Variants in MACROD2 observed in about 807,000 individuals in gnomAD.
MACROD2 encodes the protein ADP-ribose glycohydrolase MACROD2.
Under a neutral mutation model 70.4 loss-of-function variants are expected in MACROD2, and 36 were observed. The ratio of observed to expected loss-of-function variants is 0.51; its 90% confidence interval spans 0.39 to 0.68. The LOEUF (loss-of-function observed/expected upper bound fraction) is 0.68. Ranked by LOEUF, MACROD2 falls within the 30% of genes least tolerant of loss-of-function variation. The pLI is 0.00. For synonymous variants in MACROD2, 172 were observed against 178.8 expected, an observed-to-expected ratio of 0.96 and a Z score of 0.30; for missense variants, 496 against 538.4, an observed-to-expected ratio of 0.92 and a Z score of 0.78.
At chr20:16,032,441 G>A (rs113414799) in intron 15 of MACROD2, among the ~76,000 whole-genome samples, 25 of 151,950 alleles carry the variant, frequency 1.6e-4, no homozygotes, top group African/African-American at 5.6e-4. Context: ...TCATTAAATT[G>A]TAGTTTGTTT....
chr20:14,356,498 CTT>C (rs71190132), intron 3 of MACROD2, among the ~76,000 whole-genome samples: 3,897 of 76,586 alleles, frequency 0.051, 76 homozygotes, highest in African/African-American at 0.11. Context: ...GATCTACTTT[CTT>C]TTTTTTTTTT....
intron 8 of MACROD2, among the ~76,000 whole-genome samples, chr20:15,509,035 AT>A (rs1386899559): frequency 6.6e-6 from 1 of 152,164 alleles, no homozygotes; most frequent in Non-Finnish European, 1.5e-5. Context: ...TTGGAGGGTT[AT>A]TTTTTTCAAA....
intron 3 of MACROD2, among the ~76,000 whole-genome samples, chr20:14,382,092 C>T (rs1398012950): frequency 2.9e-5 from 4 of 137,206 alleles, no homozygotes; most frequent in Admixed American, 7.9e-5. Context: ...GATGGAGTCT[C>T]GCTCTGTCGC....
At chr20:14,484,676 G>A (rs896272455) in intron 3 of MACROD2, among the ~76,000 whole-genome samples, 1 of 152,046 alleles carries the variant, frequency 6.6e-6, no homozygotes, top group Admixed American at 6.6e-5. Context: ...CCACAAATAA[G>A]TGAGAACATG....
intron 5 of MACROD2, among the ~76,000 whole-genome samples, chr20:14,774,249 G>T (rs925131608): frequency 1.3e-5 from 2 of 151,850 alleles, no homozygotes; most frequent in Non-Finnish European, 2.9e-5. Context: ...AAACTCTTAG[G>T]TCATACTTGT....
chr20:15,530,952 A>C (rs1324200488), intron 8 of MACROD2, among the ~76,000 whole-genome samples: 2 of 147,386 alleles, frequency 1.4e-5, no homozygotes, highest in Admixed American at 6.8e-5. Flanking sequence ...ATCTTTCTAC[A>C]TTTTGATTGT....
intron 8 of MACROD2, among the ~76,000 whole-genome samples, chr20:15,842,712 G>GGATAGATAGATAGATAGATA (rs60376874): frequency 4.2e-5 from 6 of 141,584 alleles, no homozygotes; most frequent in Non-Finnish European, 7.6e-5. Flanking sequence ...GTGGGTGGAT[G>GGATAGATAGATAGATAGATA]GATAGATAGA....
At chr20:15,898,225 T>C (rs2065003797) in intron 10 of MACROD2, among the ~76,000 whole-genome samples, 1 of 152,150 alleles carries the variant, frequency 6.6e-6, no homozygotes, top group Non-Finnish European at 1.5e-5. Context: ...ATCCAAGCTC[T>C]AGCTAGTGGT....
chr20:15,786,065 C>T (rs945687013), intron 8 of MACROD2, among the ~76,000 whole-genome samples: 19 of 151,126 alleles, frequency 1.3e-4, no homozygotes, highest in African/African-American at 3.9e-4. Context: ...AACATAAAAG[C>T]GTTAGAGTTA....
At chr20:14,945,302 T>C (rs2074422697) in intron 5 of MACROD2, among the ~76,000 whole-genome samples, 3 of 152,002 alleles carry the variant, frequency 2.0e-5, no homozygotes, top group Non-Finnish European at 4.4e-5. Context: ...GGTCCTGAAC[T>C]CCTGACCTCA....
chr20:14,262,594 G>C (rs943396858), intron 3 of MACROD2, among the ~76,000 whole-genome samples: 6 of 152,178 alleles, frequency 3.9e-5, no homozygotes, highest in Non-Finnish European at 7.3e-5. Flanking sequence ...CTTGGAAAGA[G>C]CAAGTAGTTC....
At chr20:15,957,659 A>G (rs1220951917) in intron 12 of MACROD2, among the ~76,000 whole-genome samples, 4 of 152,172 alleles carry the variant, frequency 2.6e-5, no homozygotes, top group Non-Finnish European at 5.9e-5. Flanking sequence ...TCTGCATTTT[A>G]AAAAGTCTCA....
intron 5 of MACROD2, among the ~76,000 whole-genome samples, chr20:14,685,898 A>G (rs1311722979): frequency 6.6e-6 from 1 of 152,254 alleles, no homozygotes; most frequent in African/African-American, 2.4e-5. Context: ...TGGGTTATAT[A>G]TAGACAGGTT....
rs544167197 is a variant in MACROD2, at chr20:14,183,243, A to C, written c.271+97515A>C. On this transcript the variant is annotated intron_variant, in intron 3 of 17. Transcript: ENST00000684519. Reference sequence around the variant, plus strand: ...CCCCTCTATGGGTCCATATGTTCTCATCATTTAGCTCTCACTTATAAGTGA... The same window carrying C: ...CCCCTCTATGGGTCCATATGTTCTCCTCATTTAGCTCTCACTTATAAGTGA... Among the ~76,000 whole-genome samples the C allele has an allele frequency of 1.1e-4, 16 of 151,416 alleles. No individual in the cohort carries two copies. The East Asian group carries it at 2.8e-3, about 26-fold the overall frequency.
chr20:14,670,991 G>T (rs1431313349), intron 4 of MACROD2, among the ~76,000 whole-genome samples: 2 of 152,104 alleles, frequency 1.3e-5, no homozygotes, highest in Admixed American at 6.6e-5. Context: ...AAGCTTGCCT[G>T]GAAGCCCCAC....
intron 15 of MACROD2, among the ~76,000 whole-genome samples, chr20:16,028,067 C>T (rs1377684298): frequency 1.3e-5 from 2 of 152,170 alleles, no homozygotes; most frequent in Admixed American, 6.5e-5. Flanking sequence ...TGTGATGACA[C>T]CTGGGAAGGC....
At chr20:14,967,674 G>A (rs1568902932) in intron 5 of MACROD2, among the ~76,000 whole-genome samples, 1 of 152,000 alleles carries the variant, frequency 6.6e-6, no homozygotes, top group Non-Finnish European at 1.5e-5. Flanking sequence ...AAGTAAACTT[G>A]CCTATTCCAT....
At chr20:14,805,381 C>T (rs1486032520) in intron 5 of MACROD2, among the ~76,000 whole-genome samples, 1 of 151,984 alleles carries the variant, frequency 6.6e-6, no homozygotes, top group East Asian at 1.9e-4. Flanking sequence ...TACTTATTTT[C>T]TTTTTTACCT....
At chr20:14,966,783 T>C (rs1176286652) in intron 5 of MACROD2, among the ~76,000 whole-genome samples, 3 of 152,180 alleles carry the variant, frequency 2.0e-5, no homozygotes, top group Non-Finnish European at 4.4e-5. Context: ...AAACAATTCA[T>C]TTTTTACACT....
Sources: gnomAD v4.1 joint callset for allele counts (sites outside exome capture counted in the v4.1 genomes callset) on GRCh38, gnomAD v4.1.1 for gene constraint, MANE v1.5 for transcripts, NCBI Gene and HGNC (gene_info 2026-07-23, HGNC 2026-07-21) for gene names.